TYW1B: variants seen among roughly 807,000 people sequenced by gnomAD.
TYW1B encodes the protein tRNA-yW synthesizing protein 1 homolog B.
TYW1B carries 73 observed loss-of-function variants against 86.9 expected under a neutral mutation model. The ratio of observed to expected loss-of-function variants is 0.84; its 90% CI spans 0.70 to 1.02. TYW1B has a LOEUF of 1.02. Ranked by LOEUF, TYW1B falls within the 50% of genes least tolerant of loss-of-function variation. TYW1B has a pLI of 0.00. For missense variants in TYW1B, 637 were observed against 827.4 expected (o/e 0.77, Z 2.82); for synonymous variants, 248 against 292.8 (o/e 0.85, Z 1.56).
chr7:72,595,170 A>G (rs1348203116), intron 13 of TYW1B, among the ~76,000 whole-genome samples: 1 of 152,232 alleles, frequency 6.6e-6, no homozygotes, highest in African/African-American at 2.4e-5. Flanking sequence ...AATACAAGGT[A>G]TCCAAATTGG....
rs190977844 is a variant in TYW1B at position 72,691,100 on chromosome 7, C to T, written c.1506+3587G>A. On this transcript the variant is annotated intron_variant, in intron 11 of 13. Coordinates refer to ENST00000620995, the MANE Select transcript of TYW1B (RefSeq NM_001145440.3). ...TGACCCTAGCTAACCCATATAACTACAAAATATATGTTTTAAGTGCTAAAC... is the reference window on the plus strand; with the variant it reads ...TGACCCTAGCTAACCCATATAACTATAAAATATATGTTTTAAGTGCTAAAC... Among the ~76,000 whole-genome samples, 511 of 152,304 alleles carry T rather than the reference C, an allele frequency of 3.4e-3. 2 individuals carry two copies. Among genetic ancestry groups the T allele is most frequent in the African/African-American group, 0.012 (488 of 41,568 alleles).
chr7:72,811,001 G>A (rs1788600743), intron 3 of TYW1B, among the ~76,000 whole-genome samples: 1 of 152,092 alleles, frequency 6.6e-6, no homozygotes, highest in Non-Finnish European at 1.5e-5. Flanking sequence ...GCCGGGTGCG[G>A]TGGCTCAAGC....
At chr7:72,663,620 C>T (rs1194930413) in intron 11 of TYW1B, among the ~76,000 whole-genome samples, 4 of 151,546 alleles carry the variant, frequency 2.6e-5, no homozygotes, top group South Asian at 2.1e-4. Context: ...AAAAATTAGC[C>T]GGGCGTGGTG....
chr7:72,762,647 A>AC (rs1554467397), intron 7 of TYW1B, among the ~76,000 whole-genome samples: 1 of 151,984 alleles, frequency 6.6e-6, no homozygotes, highest in Admixed American at 6.6e-5. Context: ...TACTCAAGGT[A>AC]CTAGGGTGTT....
chr7:72,672,473 A>AACACACACACACACACACACACACACAC (rs57744814), intron 11 of TYW1B, among the ~76,000 whole-genome samples: 7 of 140,884 alleles, frequency 5.0e-5, no homozygotes, highest in South Asian at 4.9e-4. Context: ...TACACACACA[A>AACACACACACACACACACACACACACAC]ACACACACAC....
intron 11 of TYW1B, among the ~76,000 whole-genome samples, chr7:72,691,578 C>T (rs1240256875): frequency 6.6e-6 from 1 of 152,148 alleles, no homozygotes; most frequent in Non-Finnish European, 1.5e-5. Flanking sequence ...AACTATTAAG[C>T]TATTGTGTTA....
chr7:72,694,039 C>T (rs537189366), intron 11 of TYW1B, among the ~76,000 whole-genome samples: 9 of 152,200 alleles, frequency 5.9e-5, no homozygotes, highest in South Asian at 4.1e-4. Context: ...TGGCTCACTG[C>T]GGCCTCCACC....
At chr7:72,581,492 C>G (rs1287332122) in intron 13 of TYW1B, among the ~76,000 whole-genome samples, 1 of 152,156 alleles carries the variant, frequency 6.6e-6, no homozygotes, top group Non-Finnish European at 1.5e-5. Flanking sequence ...GAGTCATGCT[C>G]TGTTGCCCAG....
chr7:72,728,538 C>T (rs1787046857), intron 9 of TYW1B, among the ~76,000 whole-genome samples: 1 of 152,134 alleles, frequency 6.6e-6, no homozygotes, highest in Admixed American at 6.6e-5. Context: ...AACTCCTGAC[C>T]TCAGGTGATC....
chr7:72,616,679 T>A lies in TYW1B; in HGVS notation c.1778A>T (p.His593Leu). The A allele has an allele frequency of 6.2e-7, 1 of 1,614,128 alleles. No homozygotes were observed. The highest frequency in any genetic ancestry group is 8.5e-7 in the Non-Finnish European group (1 of 1,179,948). The change falls in exon 13 of 14, where the codon CAC becomes CTC. Residue 593 changes from histidine to leucine, a missense_variant. His to Leu is a moderately conservative substitution (Grantham distance 99). Coordinates refer to ENST00000620995, the MANE Select transcript of TYW1B (RefSeq NM_001145440.3). ...HEHSNCLLIA[H>L]RKFKIGGEWW... The stretch of plus-strand genomic sequence containing the variant: ...TGTTTGAGTTATTCTTACCTTTCTG[T>A]GTGCTATCAGGAGGCAATTAGAGTG...
At chr7:72,764,369 G>A (rs1297681945) in intron 7 of TYW1B, among the ~76,000 whole-genome samples, 1 of 152,070 alleles carries the variant, frequency 6.6e-6, no homozygotes, top group Non-Finnish European at 1.5e-5. Context: ...TGCAACCTCC[G>A]CCTCCCGGGT....
chr7:72,675,774 A>T (rs1813722406), intron 11 of TYW1B, among the ~76,000 whole-genome samples: 1 of 152,134 alleles, frequency 6.6e-6, no homozygotes, highest in Admixed American at 6.6e-5. Flanking sequence ...TCATGTGAAA[A>T]AAAGCCAATT....
intron 7 of TYW1B, among the ~76,000 whole-genome samples, chr7:72,755,903 A>G (rs910886043): frequency 6.6e-6 from 1 of 152,180 alleles, no homozygotes; most frequent in Non-Finnish European, 1.5e-5. Flanking sequence ...AGGTAAATGA[A>G]GTATCAAGCA....
intron 11 of TYW1B, among the ~76,000 whole-genome samples, chr7:72,690,961 C>T (rs1336549764): frequency 2.6e-5 from 4 of 152,076 alleles, no homozygotes; most frequent in African/African-American, 2.4e-5. Context: ...CCATATTGGC[C>T]GGGCTGGTCT....
intron 11 of TYW1B, among the ~76,000 whole-genome samples, chr7:72,629,313 G>C (rs1372269457): frequency 6.6e-6 from 1 of 152,188 alleles, no homozygotes; most frequent in Non-Finnish European, 1.5e-5. Flanking sequence ...ATGATAAACT[G>C]ACCAAACAGT....
intron 10 of TYW1B, among the ~76,000 whole-genome samples, chr7:72,710,676 C>T (rs1165263617): frequency 2.2e-4 from 33 of 152,176 alleles, no homozygotes; most frequent in Middle Eastern, 3.4e-3. Flanking sequence ...GGTATGGTGG[C>T]GTGCGCCTGT....
intron 6 of TYW1B, among the ~76,000 whole-genome samples, chr7:72,778,817 A>G (rs1448732569): frequency 2.6e-5 from 4 of 152,208 alleles, no homozygotes; most frequent in Admixed American, 1.3e-4. Context: ...AAATTTCACC[A>G]GCACACCTTT....
chr7:72,760,797 A>C (rs1233341012), intron 7 of TYW1B, among the ~76,000 whole-genome samples: 1 of 152,232 alleles, frequency 6.6e-6, no homozygotes, highest in Non-Finnish European at 1.5e-5. Flanking sequence ...TCTCTACTAG[A>C]CATTTTAAGA....
chr7:72,753,114 G>A (rs975921552), intron 7 of TYW1B, among the ~76,000 whole-genome samples: 3 of 150,240 alleles, frequency 2.0e-5, no homozygotes, highest in Non-Finnish European at 4.4e-5. Context: ...ATTCTTGGTT[G>A]ATTAAAAAAA....
Sources: allele counts gnomAD v4.1 joint callset (sites outside exome capture counted in the v4.1 genomes callset), GRCh38; gene constraint gnomAD v4.1.1; transcripts MANE v1.5; gene names NCBI Gene and HGNC (gene_info 2026-07-23, HGNC 2026-07-21).